Variants in ATP8A2 observed in about 807,000 individuals in gnomAD.
The protein encoded by ATP8A2 is ATPase phospholipid transporting 8A2.
A neutral mutation model predicts 165.6 loss-of-function variants in ATP8A2; 100 were observed. The observed-to-expected ratio is 0.60, with a 90% confidence interval of 0.51 to 0.71. The LOEUF is 0.71. ATP8A2 is among the 30% of genes least tolerant of loss of function. The pLI is 0.00. For missense variants in ATP8A2, 1,227 were observed against 1,479.5 expected, an observed-to-expected ratio of 0.83 and a Z score of 2.80; for synonymous variants, 543 against 548.8, an observed-to-expected ratio of 0.99 and a Z score of 0.15.
At chr13:25,618,494 A>G (rs1413142842) in intron 24 of ATP8A2, among the ~76,000 whole-genome samples, 1 of 152,070 alleles carries the variant, frequency 6.6e-6, no homozygotes, top group Non-Finnish European at 1.5e-5. Context: ...TCCTGTGGGT[A>G]GGATGTTGGC....
intron 25 of ATP8A2, among the ~76,000 whole-genome samples, chr13:25,766,796 G>T (rs1429282601): frequency 2.0e-5 from 3 of 152,210 alleles, no homozygotes; most frequent in Non-Finnish European, 4.4e-5. Context: ...GCATTACTCA[G>T]AGGTGTCCAG....
intron 24 of ATP8A2, among the ~76,000 whole-genome samples, chr13:25,607,003 C>T (rs957270032): frequency 6.6e-6 from 1 of 151,940 alleles, no homozygotes; most frequent in Admixed American, 6.6e-5. Context: ...GAGTGGCAGG[C>T]GAGCTCCCAT....
At position 26,024,237 on chromosome 13, in the gene ATP8A2, C is replaced by G. The variant is rs964717774; in HGVS notation, c.*4252C>G. 6.6e-6 allele frequency: 1 copy of G among 152,074 alleles called. No individual in the cohort carries two copies. Among genetic ancestry groups the G allele is most frequent in the African/African-American group, 2.4e-5 (1 of 41,418 alleles). The allele number at this position is 152,074 out of a possible 1,614,324, so 9.4% of individuals were successfully genotyped here. On this transcript the variant is annotated 3_prime_UTR_variant, in exon 37 of 37. Transcript: ENST00000381655. ...TTGAGGGGTTTCGGAGGTGAGGGCC[C>G]AAGACCCCCATAATGACATCATTAG...
intron 33 of ATP8A2, among the ~76,000 whole-genome samples, chr13:25,870,768 A>G (rs542587968): frequency 5.3e-5 from 8 of 152,302 alleles, no homozygotes; most frequent in Admixed American, 1.3e-4. Context: ...ATGTTGCTCA[A>G]TTCTCCTTAA....
chr13:25,727,269 G>T (rs934479952), intron 25 of ATP8A2, among the ~76,000 whole-genome samples: 5 of 152,108 alleles, frequency 3.3e-5, no homozygotes, highest in African/African-American at 1.2e-4. Context: ...AAATATTTTT[G>T]AATATATTGG....
Position 25,577,083 on chromosome 13 carries a change from T to C in ATP8A2, c.1727T>C (p.Met576Thr), listed in dbSNP as rs756258284. 2 of 1,613,508 alleles carry C rather than the reference T, an allele frequency of 1.2e-6. No individual in the cohort carries two copies. The highest frequency in any genetic ancestry group is 1.7e-6 in the Non-Finnish European group (2 of 1,179,684). Residue 576 changes from methionine to threonine, a missense_variant, in exon 20 of 37, where the codon ATG becomes ACG. This residue lies in a region of ATP8A2 where 592 missense variants were observed against 785.6 expected (regional missense o/e 0.75). Transcript: ENST00000381655. ...CACTCTCCCAGTGACAGAAAAAGAA[T>C]GTCTGTAATTGTTCGAACTCCTTCA... ...VLEFSSDRKR[M>T]SVIVRTPSGR...
chr13:25,858,757 A>C (rs896693985), intron 30 of ATP8A2, among the ~76,000 whole-genome samples: 2 of 152,182 alleles, frequency 1.3e-5, no homozygotes, highest in Non-Finnish European at 1.5e-5. Flanking sequence ...CGGGCCACAG[A>C]CCAGAACTGA....
chr13:25,949,827 T>C (rs1955306111), intron 33 of ATP8A2, among the ~76,000 whole-genome samples: 1 of 152,174 alleles, frequency 6.6e-6, no homozygotes, highest in East Asian at 1.9e-4. Flanking sequence ...TGAGACAGGG[T>C]CTCGCTCTGT....
intron 1 of ATP8A2, among the ~76,000 whole-genome samples, chr13:25,412,512 AG>A (rs940338126): frequency 2.0e-5 from 3 of 152,238 alleles, no homozygotes; most frequent in African/African-American, 7.2e-5. Context: ...AATCCAGTTA[AG>A]GAAAGCAGAG....
chr13:25,392,472 C>A (rs757848296), intron 1 of ATP8A2, among the ~76,000 whole-genome samples: 1 of 152,284 alleles, frequency 6.6e-6, no homozygotes, highest in Middle Eastern at 3.4e-3. Flanking sequence ...AAATTAACTT[C>A]CCTCTTTGCT....
intron 8 of ATP8A2, among the ~76,000 whole-genome samples, 188 bp from the exon 9 acceptor site, chr13:25,541,731 T>G (rs1448967316): frequency 6.6e-6 from 1 of 152,184 alleles, no homozygotes; most frequent in Non-Finnish European, 1.5e-5. Context: ...CACTTTTGCA[T>G]TAGATCGTTG....
Position 26,012,537 on chromosome 13 carries a change from C to A in ATP8A2, c.3384C>A (p.Asn1128Lys). 6.5e-7 allele frequency: 1 copy of A among 1,539,698 alleles called. No individual in the cohort carries two copies. The highest frequency in any genetic ancestry group is 8.8e-7 in the Non-Finnish European group (1 of 1,141,926). Residue 1128 changes from asparagine to lysine, a missense_variant, in exon 36 of 37, where the codon AAC becomes AAA. Asn to Lys is a moderately conservative substitution (Grantham distance 94, BLOSUM62 0). Coordinates refer to ENST00000381655, the MANE Select transcript of ATP8A2 (RefSeq NM_016529.6). The part of the protein sequence containing the change: ...VLRDSNGKRL[N>K]ERDRLIKRLG... ...GCGCTTGCTTTATCCGCAGGCTGAA[C>A]GAGCGCGACCGCCTGATCAAGAGGC...
At chr13:25,744,325 A>ACCCCCC (rs138866684) in intron 25 of ATP8A2, among the ~76,000 whole-genome samples, 8 of 148,532 alleles carry the variant, frequency 5.4e-5, no homozygotes, top group African/African-American at 2.0e-4. Flanking sequence ...CTCACTCACC[A>ACCCCCC]CCCCCCCGTG....
At chr13:26,010,005 G>A (rs1440388358) in intron 35 of ATP8A2, among the ~76,000 whole-genome samples, 2 of 152,202 alleles carry the variant, frequency 1.3e-5, no homozygotes. Flanking sequence ...GGCAGAGGCT[G>A]CAGTGAGCCG....
chr13:25,435,932 A>AGTGTGTGTGTGTGTGT (rs781137300), intron 1 of ATP8A2, among the ~76,000 whole-genome samples: 1 of 75,780 alleles, frequency 1.3e-5, no homozygotes, highest in African/African-American at 4.2e-5. Context: ...TGTGTGTGTG[A>AGTGTGTGTGTGTGTGT]GTGTGTGTGT....
At chr13:25,397,187 A>G (rs2033456395) in intron 1 of ATP8A2, among the ~76,000 whole-genome samples, 3 of 152,202 alleles carry the variant, frequency 2.0e-5, no homozygotes, top group African/African-American at 7.2e-5. Flanking sequence ...AGTTGTCCTT[A>G]GGAACTACCA....
At chr13:25,443,442 A>G (rs1489297950) in intron 1 of ATP8A2, among the ~76,000 whole-genome samples, 2 of 152,234 alleles carry the variant, frequency 1.3e-5, no homozygotes, top group African/African-American at 2.4e-5. Context: ...AAAGAAGGAT[A>G]GTAAGTTAAT....
chr13:25,436,861 C>T (rs1409921527), intron 1 of ATP8A2, among the ~76,000 whole-genome samples: 2 of 152,072 alleles, frequency 1.3e-5, no homozygotes, highest in East Asian at 1.9e-4. Flanking sequence ...ACTGCAGCCT[C>T]GGCCTCTCAG....
At chr13:25,603,664 A>G (rs1313223032) in intron 24 of ATP8A2, among the ~76,000 whole-genome samples, 4 of 151,752 alleles carry the variant, frequency 2.6e-5, no homozygotes, top group Non-Finnish European at 5.9e-5. Flanking sequence ...GATTCTGGGC[A>G]TATAGTATTT....
Sources: allele counts gnomAD v4.1 joint callset (sites outside exome capture counted in the v4.1 genomes callset), GRCh38; gene constraint gnomAD v4.1.1; regional missense constraint gnomAD v4.1.1; transcripts MANE v1.5; gene names NCBI Gene and HGNC (gene_info 2026-07-23, HGNC 2026-07-21).